The following CDK14 variants were observed in gnomAD, a reference collection of about 807,000 sequenced individuals.
The protein encoded by CDK14 is cyclin-dependent kinase 14.
Under a neutral mutation model 60.7 loss-of-function variants are expected in CDK14, and 34 were observed. The observed-to-expected ratio is 0.56, with a 90% CI of 0.43 to 0.75. The LOEUF is 0.75. Ranked by LOEUF, CDK14 falls within the 30% of genes least tolerant of loss-of-function variation. The pLI is 0.00. For missense variants in CDK14, 482 were observed against 564.1 expected, an observed-to-expected ratio of 0.85 and a Z score of 1.47; for synonymous variants, 197 against 203.7, an observed-to-expected ratio of 0.97 and a Z score of 0.28.
intron 2 of CDK14, among the ~76,000 whole-genome samples, chr7:90,707,018 A>G (rs542045991): frequency 3.4e-4 from 52 of 152,128 alleles, no homozygotes; most frequent in Non-Finnish European, 4.3e-4. Context: ...ACTGCCCCCA[A>G]TAAATTGTAA....
At chr7:90,660,053 CATAGAT>C (rs1057399352) in intron 2 of CDK14, among the ~76,000 whole-genome samples, 8 of 152,042 alleles carry the variant, frequency 5.3e-5, no homozygotes, top group Non-Finnish European at 1.0e-4. Flanking sequence ...AAATTAATGG[CATAGAT>C]ATAAAGTAAA....
chr7:90,683,754 T>C (rs1307376926), intron 2 of CDK14, among the ~76,000 whole-genome samples: 1 of 152,178 alleles, frequency 6.6e-6, no homozygotes, highest in Non-Finnish European at 1.5e-5. Flanking sequence ...TGAGTCGAGA[T>C]TGTGATATTG....
At position 90,854,520 on chromosome 7, in the gene CDK14, C is replaced by A. The variant is rs117240162; in HGVS notation, c.545-8655C>A. ...CTCCAGCCTGGGCAATAGAGCAAGA[C>A]CCTGCCTCTAAATAAATACATAAAT... On this transcript the variant is annotated intron_variant, in intron 5 of 14. Transcript: ENST00000380050. Among the ~76,000 whole-genome samples, 626 of 152,234 alleles carry A rather than the reference C, an allele frequency of 4.1e-3. 2 individuals are homozygous for A. Among genetic ancestry groups the A allele is most frequent in the Non-Finnish European group, 6.9e-3 (470 of 67,988 alleles).
chr7:91,175,280 G>C (rs956601047), intron 14 of CDK14, among the ~76,000 whole-genome samples: 1 of 151,928 alleles, frequency 6.6e-6, no homozygotes, highest in Non-Finnish European at 1.5e-5. Context: ...TCACCACCAG[G>C]CCTGCCTTAC....
At chr7:90,742,696 A>T (rs959223851) in intron 3 of CDK14, among the ~76,000 whole-genome samples, 1 of 151,726 alleles carries the variant, frequency 6.6e-6, no homozygotes, top group Admixed American at 6.6e-5. Flanking sequence ...ATTTTCTTTT[A>T]TGTATTGGTT....
chr7:91,152,100 C>T (rs967926524), intron 14 of CDK14, among the ~76,000 whole-genome samples: 4 of 152,158 alleles, frequency 2.6e-5, no homozygotes, highest in South Asian at 2.1e-4. Flanking sequence ...CAAAGCCTCA[C>T]GGAAAAATTA....
chr7:90,860,844 T>A (rs1316916125), intron 5 of CDK14, among the ~76,000 whole-genome samples: 1 of 152,118 alleles, frequency 6.6e-6, no homozygotes, highest in East Asian at 1.9e-4. Flanking sequence ...CTTTTTTCAA[T>A]CAAAGGAAAG....
At chr7:91,082,442 G>C (rs1043779598) in intron 12 of CDK14, among the ~76,000 whole-genome samples, 1 of 152,072 alleles carries the variant, frequency 6.6e-6, no homozygotes, top group Non-Finnish European at 1.5e-5. Context: ...CACATGTTAT[G>C]GTTCTGCTTA....
intron 5 of CDK14, among the ~76,000 whole-genome samples, chr7:90,798,548 A>G (rs1788523207): frequency 6.6e-6 from 1 of 152,184 alleles, no homozygotes; most frequent in Non-Finnish European, 1.5e-5. Context: ...GTGTTGATCA[A>G]TTTCTCATTT....
intron 14 of CDK14, among the ~76,000 whole-genome samples, chr7:91,197,431 T>A (rs1376036391): frequency 6.6e-6 from 1 of 150,552 alleles, no homozygotes; most frequent in Non-Finnish European, 1.5e-5. Flanking sequence ...TCCCAAATCC[T>A]GGAAACCTCC....
intron 10 of CDK14, among the ~76,000 whole-genome samples, chr7:91,021,562 A>G (rs2115876137): frequency 6.6e-6 from 1 of 152,344 alleles, no homozygotes; most frequent in East Asian, 1.9e-4. Flanking sequence ...AGTACAAGAA[A>G]TCTACTGACT....
At chr7:90,871,692 A>G (rs1791377104) in intron 6 of CDK14, among the ~76,000 whole-genome samples, 1 of 152,222 alleles carries the variant, frequency 6.6e-6, no homozygotes, top group Admixed American at 6.5e-5. Context: ...CCTGTATTAC[A>G]TGCATGACAT....
chr7:91,119,707 A>G (rs1327597881), intron 14 of CDK14, among the ~76,000 whole-genome samples: 2 of 152,174 alleles, frequency 1.3e-5, no homozygotes, highest in African/African-American at 4.8e-5. Context: ...TACCCTCAAC[A>G]TAGGGGTCAA....
intron 8 of CDK14, among the ~76,000 whole-genome samples, chr7:90,954,741 C>T (rs1475292275): frequency 1.5e-4 from 2 of 13,500 alleles, no homozygotes; most frequent in Non-Finnish European, 6.5e-4. Context: ...TCTCCTGCCT[C>T]AGCCTCCCAA....
At chr7:91,115,874 C>T (rs572093362) in intron 13 of CDK14, among the ~76,000 whole-genome samples, 1 of 152,204 alleles carries the variant, frequency 6.6e-6, no homozygotes, top group East Asian at 1.9e-4. Flanking sequence ...TCCTTAAAAC[C>T]TCATCAGGTT....
rs147721415 is a variant in CDK14, at chr7:90,789,310, G to A, written c.465-1263G>A. On this transcript the variant is annotated intron_variant, in intron 4 of 14. Transcript: ENST00000380050. ...TGTTGTTAAGTGTAAACAATATAGA[G>A]TGTACTCTGTATTGTATACCACTAT... 2.9e-4 allele frequency among the ~76,000 whole-genome samples: 44 copies of A among 152,128 alleles called. 2 individuals are homozygous for A. In the East Asian group the frequency reaches 7.4e-3, roughly 25 times the overall value.
chr7:90,733,580 C>T (rs1802960076), intron 3 of CDK14, among the ~76,000 whole-genome samples: 1 of 152,154 alleles, frequency 6.6e-6, no homozygotes, highest in Non-Finnish European at 1.5e-5. Context: ...TAATGTCCTT[C>T]TTTGTTTCTT....
chr7:90,769,683 T>C (rs1804709987), intron 4 of CDK14, among the ~76,000 whole-genome samples: 1 of 152,146 alleles, frequency 6.6e-6, no homozygotes, highest in African/African-American at 2.4e-5. Flanking sequence ...GCCAGGCTGG[T>C]CTTGGACTCC....
chr7:91,065,047 A>T (rs1313048253), intron 11 of CDK14, among the ~76,000 whole-genome samples: 1 of 152,208 alleles, frequency 6.6e-6, no homozygotes, highest in South Asian at 2.1e-4. Context: ...AGAAACACAA[A>T]TGTCATCACA....
Sources: allele counts gnomAD v4.1 joint callset (sites outside exome capture counted in the v4.1 genomes callset), GRCh38; gene constraint gnomAD v4.1.1; transcripts MANE v1.5; gene names NCBI Gene and HGNC (gene_info 2026-07-23, HGNC 2026-07-21).